Variants in CACHD1 observed in about 807,000 individuals in gnomAD.
CACHD1 encodes the protein cache domain containing 1.
Under a neutral mutation model 138.7 loss-of-function variants are expected in CACHD1, and 71 were observed. The observed-to-expected ratio is 0.51, with a 90% CI of 0.42 to 0.62. The LOEUF (loss-of-function observed/expected upper bound fraction) is 0.62, where lower values mean the gene tolerates loss of function less well. Ranked by LOEUF, CACHD1 falls within the 20% of genes least tolerant of loss-of-function variation. The pLI is 0.00. For missense variants in CACHD1, 1,389 were observed against 1,625.3 expected, an observed-to-expected ratio of 0.85 and a Z score of 2.50; for synonymous variants, 578 against 591.5, an observed-to-expected ratio of 0.98 and a Z score of 0.33.
intron 2 of CACHD1, among the ~76,000 whole-genome samples, chr1:64,570,521 G>T (rs1646918666): frequency 6.6e-6 from 1 of 152,126 alleles, no homozygotes; most frequent in Non-Finnish European, 1.5e-5. Context: ...TCTAAAGGAA[G>T]GTGTTAGCGG....
intron 1 of CACHD1, among the ~76,000 whole-genome samples, chr1:64,505,052 A>C (rs1051379580): frequency 1.3e-5 from 2 of 152,146 alleles, no homozygotes; most frequent in Non-Finnish European, 2.9e-5. Context: ...TTTCTTCCTC[A>C]CCCAGAAGAA....
chr1:64,485,292 ATGCTGCTCCTTTATAGTCAG>A (rs1557458216), intron 1 of CACHD1, among the ~76,000 whole-genome samples: 1 of 152,186 alleles, frequency 6.6e-6, no homozygotes, highest in Non-Finnish European at 1.5e-5. Flanking sequence ...AAATTATCTG[ATGCTGCTCCTTTATAGTCAG>A]TCCTTTCCCC....
At chr1:64,476,954 T>C (rs1047390471) in intron 1 of CACHD1, among the ~76,000 whole-genome samples, 1 of 152,192 alleles carries the variant, frequency 6.6e-6, no homozygotes, top group Non-Finnish European at 1.5e-5. Context: ...GGATTTATTT[T>C]AGATATGCTT....
At chr1:64,571,821 A>G (rs1646929287) in intron 2 of CACHD1, among the ~76,000 whole-genome samples, 1 of 152,190 alleles carries the variant, frequency 6.6e-6, no homozygotes, top group Non-Finnish European at 1.5e-5. Flanking sequence ...GGCCCAGGTC[A>G]CAAGGTTGGT....
At position 64,632,121 on chromosome 1, in the gene CACHD1, C is replaced by T. The variant is rs140235531; in HGVS notation, c.645-478C>T. Among the ~76,000 whole-genome samples the T allele has an allele frequency of 2.7e-3, 415 of 152,082 alleles. 2 individuals are homozygous for T. Among genetic ancestry groups the T allele is most frequent in the Middle Eastern group, 0.01 (3 of 294 alleles). On this transcript the variant is annotated intron_variant, in intron 5 of 26. Coordinates refer to ENST00000651257, the MANE Select transcript of CACHD1 (RefSeq NM_020925.4). ...GCCCAAGGGACCACTACATCCACAT[C>T]CTTTAGCAAAACAGGTACACTGGGC...
intron 1 of CACHD1, 115 bp downstream of exon 1, chr1:64,471,057 G>A: frequency 1.9e-6 from 2 of 1,076,950 alleles, no homozygotes; most frequent in Non-Finnish European, 2.6e-6. Flanking sequence ...CATACATAGA[G>A]CCCGGCTTCC....
intron 3 of CACHD1, among the ~76,000 whole-genome samples, chr1:64,586,440 G>A (rs1647052378): frequency 6.6e-6 from 1 of 152,156 alleles, no homozygotes; most frequent in East Asian, 1.9e-4. Flanking sequence ...ACTTCATGTT[G>A]GAGTTAGGTG....
intron 8 of CACHD1, among the ~76,000 whole-genome samples, chr1:64,645,087 A>G (rs1430080568): frequency 1.3e-4 from 20 of 152,108 alleles, no homozygotes; most frequent in Non-Finnish European, 4.4e-5. Flanking sequence ...ATAGAGTGAT[A>G]CTCTGTCTCA....
chr1:64,601,472 C>A (rs2100575848), intron 3 of CACHD1, among the ~76,000 whole-genome samples: 1 of 152,346 alleles, frequency 6.6e-6, no homozygotes, highest in East Asian at 1.9e-4. Context: ...TCCTTTGAGG[C>A]ACAGTTGACA....
intron 1 of CACHD1, among the ~76,000 whole-genome samples, chr1:64,495,871 T>G (rs1419874404): frequency 6.6e-6 from 1 of 152,120 alleles, no homozygotes; most frequent in Non-Finnish European, 1.5e-5. Context: ...CACAAAGAAA[T>G]ACAACAAAAG....
intron 2 of CACHD1, among the ~76,000 whole-genome samples, chr1:64,576,510 C>T (rs571966169): frequency 1.3e-5 from 2 of 151,072 alleles, no homozygotes; most frequent in Non-Finnish European, 2.9e-5. Context: ...AAAAAAAAGA[C>T]GCGATAGTGG....
chr1:64,607,377 T>A lies in CACHD1; in HGVS notation c.517+4465T>A, dbSNP rs900551763. Among the ~76,000 whole-genome samples the A allele has an allele frequency of 9.9e-5, 15 of 152,246 alleles. No homozygotes were observed. In the South Asian group the frequency reaches 1.5e-3, roughly 15 times the overall value. On this transcript the variant is annotated intron_variant, in intron 4 of 26. Coordinates refer to ENST00000651257, the MANE Select transcript of CACHD1 (RefSeq NM_020925.4). ...GAAAACCAGCCATATGATTTAGCAA[T>A]GTAGAGGCTATGGGTGAGCTTGTCA...
At chr1:64,544,256 C>T (rs1202649133) in intron 1 of CACHD1, among the ~76,000 whole-genome samples, 1 of 152,056 alleles carries the variant, frequency 6.6e-6, no homozygotes, top group Admixed American at 6.6e-5. Flanking sequence ...GGGAGGGAGA[C>T]CCAGAGAATC....
chr1:64,670,407 G>A (rs1024114180), intron 16 of CACHD1, among the ~76,000 whole-genome samples: 3 of 152,186 alleles, frequency 2.0e-5, no homozygotes, highest in Non-Finnish European at 4.4e-5. Context: ...AATAATTAAG[G>A]TTTTTGTGAT....
intron 4 of CACHD1, among the ~76,000 whole-genome samples, chr1:64,622,614 T>G (rs148006409): frequency 1.8e-4 from 28 of 152,366 alleles, no homozygotes; most frequent in African/African-American, 6.7e-4. Context: ...TGTTGATTGC[T>G]AATTCATCTA....
At chr1:64,507,124 A>G (rs528960169) in intron 1 of CACHD1, among the ~76,000 whole-genome samples, 146 of 152,356 alleles carry the variant, frequency 9.6e-4, no homozygotes, top group Admixed American at 2.7e-3. Context: ...TTCACACATC[A>G]TGCTTTGAAG....
chr1:64,664,559 T>C lies in CACHD1; in HGVS notation c.2156T>C (p.Met719Thr). The C allele has an allele frequency of 6.2e-7, 1 of 1,614,186 alleles. No individual in the cohort carries two copies. The highest frequency in any genetic ancestry group is 8.5e-7 in the Non-Finnish European group (1 of 1,180,024). ...GTCACAGATGAATGGATGACACAAA[T>C]GGAAATGAGTAGCCTGAACACTTAC... Reference protein sequence around the residue: ...SHVTDEWMTQMEMSSLNTYIV... With the variant: ...SHVTDEWMTQTEMSSLNTYIV... The change falls in exon 15 of 27, where the codon ATG (methionine) becomes ACG (threonine). Residue 719 changes from methionine to threonine, a missense_variant. Met to Thr is a moderately conservative substitution (Grantham distance 81). Transcript: ENST00000651257.
At chr1:64,631,763 C>CA (rs1465124949) in intron 5 of CACHD1, among the ~76,000 whole-genome samples, 6 of 152,130 alleles carry the variant, frequency 3.9e-5, no homozygotes, top group Non-Finnish European at 7.3e-5. Flanking sequence ...TGGCTGCCCC[C>CA]AACCCCCTTT....
At chr1:64,641,245 T>C (rs1470729928) in intron 7 of CACHD1, among the ~76,000 whole-genome samples, 1 of 104,828 alleles carries the variant, frequency 9.5e-6, no homozygotes, top group Non-Finnish European at 1.9e-5. Context: ...ACACAGCTTG[T>C]AAGTAGCAGA....
Sources: gnomAD v4.1 joint callset for allele counts (sites outside exome capture counted in the v4.1 genomes callset) on GRCh38, gnomAD v4.1.1 for gene constraint, MANE v1.5 for transcripts, NCBI Gene and HGNC (gene_info 2026-07-23, HGNC 2026-07-21) for gene names.